Variants in TTC21B observed in about 807,000 individuals in gnomAD.
TTC21B encodes tetratricopeptide repeat protein 21B.
In TTC21B, 127 loss-of-function variants were observed where a neutral mutation model predicts 175.1. That is an observed-to-expected ratio of 0.73 (90% CI 0.63 to 0.84). The LOEUF (loss-of-function observed/expected upper bound fraction) is 0.84. Ranked by LOEUF, TTC21B falls within the 40% of genes least tolerant of loss-of-function variation. The pLI is 0.00. For missense variants in TTC21B, 1,561 were observed against 1,558.3 expected (o/e 1.00, Z -0.03); for synonymous variants, 524 against 524.5 (o/e 1.00, Z 0.01).
At chr2:165,946,458 C>T (rs917562985) in intron 3 of TTC21B, among the ~76,000 whole-genome samples, 4 of 152,040 alleles carry the variant, frequency 2.6e-5, no homozygotes, top group Admixed American at 1.3e-4. Context: ...TTTCTAATAA[C>T]TGAATCAAGT....
chr2:165,876,224 G>A lies in TTC21B; in HGVS notation c.3814C>T (p.Leu1272=), dbSNP rs772434710. ...NRTNPAVGYK[L]AFNYLKAKRY... The stretch of plus-strand genomic sequence containing the variant: ...TTTGCTTTTAAGTAATTAAATGCCA[G>A]TTTGTATCCTGTTAAGACAAAAACC... Residue 1272 remains leucine, a synonymous_variant, in exon 28 of 29, where the codon CTG becomes TTG. Transcript: ENST00000243344. 4 of 1,590,412 alleles carry A rather than the reference G, an allele frequency of 2.5e-6. No homozygotes were observed. Among genetic ancestry groups the A allele is most frequent in the Non-Finnish European group, 3.4e-6 (4 of 1,159,502 alleles).
At chr2:165,929,045 T>C in intron 11 of TTC21B, 90 bp downstream of exon 11, 3 of 1,133,016 alleles carry the variant, frequency 2.6e-6, no homozygotes, top group Non-Finnish European at 4.0e-6. Context: ...AAGATGCCGA[T>C]ATAGTCTAAT....
chr2:165,878,433 G>A lies in TTC21B; in HGVS notation c.3806-2201C>T, dbSNP rs566557196. On this transcript the variant is annotated intron_variant, in intron 27 of 28. Coordinates refer to ENST00000243344, the MANE Select transcript of TTC21B (RefSeq NM_024753.5). Reference sequence around the variant, plus strand: ...AATAGGTATGAAGGGTGAAACATGAGTAGTTTCTTCTCTCATTGGATCTCA... The same window carrying A: ...AATAGGTATGAAGGGTGAAACATGAATAGTTTCTTCTCTCATTGGATCTCA... Among the ~76,000 whole-genome samples the A allele has an allele frequency of 3.3e-5, 5 of 152,126 alleles. No homozygotes were observed. In the South Asian group the frequency reaches 1.0e-3, roughly 32 times the overall value.
At chr2:165,896,892 T>A (rs1685385409) in intron 22 of TTC21B, among the ~76,000 whole-genome samples, 2 of 152,172 alleles carry the variant, frequency 1.3e-5, no homozygotes, top group Admixed American at 6.5e-5. Context: ...TTTTTGTTTG[T>A]TTGTTTGTTT....
chr2:165,935,369 G>A (rs749210256), intron 6 of TTC21B, among the ~76,000 whole-genome samples: 6 of 152,026 alleles, frequency 3.9e-5, no homozygotes, highest in Non-Finnish European at 7.3e-5. Flanking sequence ...AGGTATGTGT[G>A]TATGCATGTG....
chr2:165,952,047 T>C (rs141157434), intron 1 of TTC21B, among the ~76,000 whole-genome samples: 453 of 152,114 alleles, frequency 3.0e-3, no homozygotes, highest in Non-Finnish European at 4.8e-3. Flanking sequence ...GTACAGGAGT[T>C]AGGAAGAGGA....
intron 6 of TTC21B, chr2:165,934,191 A>G (rs895608260): frequency 1.3e-5 from 2 of 152,174 alleles, no homozygotes; most frequent in Non-Finnish European, 2.9e-5. Context: ...TTTTTTCCCC[A>G]CATATGACTA....
chr2:165,945,925 T>C (rs147713389), intron 3 of TTC21B, among the ~76,000 whole-genome samples: 1 of 152,346 alleles, frequency 6.6e-6, no homozygotes, highest in Non-Finnish European at 1.5e-5. Context: ...ATCTAAGATA[T>C]AATTTCAATG....
At chr2:165,908,550 A>ACACGCCATGC (rs1685822239) in intron 18 of TTC21B, among the ~76,000 whole-genome samples, 1 of 152,202 alleles carries the variant, frequency 6.6e-6, no homozygotes, top group African/African-American at 2.4e-5. Flanking sequence ...ACAGTTCATG[A>ACACGCCATGC]CACGCCATGC....
intron 11 of TTC21B, among the ~76,000 whole-genome samples, chr2:165,927,590 C>T (rs1686726576): frequency 1.3e-5 from 2 of 150,838 alleles, no homozygotes; most frequent in South Asian, 4.2e-4. Context: ...ATGGGTATTT[C>T]CCCAGCTCTA....
chr2:165,949,569 G>A, intron 2 of TTC21B, 26 bp downstream of exon 2: 1 of 1,613,688 alleles, frequency 6.2e-7, no homozygotes, highest in Non-Finnish European at 8.5e-7. Flanking sequence ...AAAACTGATG[G>A]AACATGTTTA....
At chr2:165,944,073 C>A (rs1478919509) in intron 4 of TTC21B, among the ~76,000 whole-genome samples, 1 of 151,936 alleles carries the variant, frequency 6.6e-6, no homozygotes, top group Non-Finnish European at 1.5e-5. Context: ...TGTATTTCAC[C>A]CGAAAATACA....
In TTC21B at chr2:165,924,954, AT is replaced by A. The variant is rs57171027; in HGVS notation, c.1387-277del. ...TAAATGGATAACATATCAAGTGGGT[AT>A]TATCTATTCAAAAGTTTTATCAGAG... On this transcript the variant is annotated intron_variant, in intron 11 of 28. Coordinates refer to ENST00000243344, the MANE Select transcript of TTC21B (RefSeq NM_024753.5). Among the ~76,000 whole-genome samples the A allele has an allele frequency of 0.29, 44,655 of 152,010 alleles. 7,473 individuals are homozygous for A. The highest frequency in any genetic ancestry group is 0.39 in the Non-Finnish European group (26,307 of 67,928).
intron 10 of TTC21B, 26 bp from the exon 11 acceptor site, chr2:165,929,361 T>C (rs1686799620): frequency 2.6e-6 from 4 of 1,551,118 alleles, no homozygotes; most frequent in East Asian, 2.3e-5. Context: ...TTTTCATAAA[T>C]TATTCCATTT....
intron 22 of TTC21B, among the ~76,000 whole-genome samples, chr2:165,896,245 T>G (rs1429902235): frequency 6.6e-6 from 1 of 152,162 alleles, no homozygotes; most frequent in Non-Finnish European, 1.5e-5. Flanking sequence ...GGTAGTAACA[T>G]ACAGTCATGT....
At chr2:165,911,534 A>G (rs1685934137) in intron 17 of TTC21B, 69 bp from the exon 18 acceptor site, 2 of 1,568,396 alleles carry the variant, frequency 1.3e-6, no homozygotes, top group Non-Finnish European at 1.8e-6. Context: ...GCTATTTAAT[A>G]CATTACAGAC....
Position 165,922,566 on chromosome 2 carries a change from C to CAAAAAAAAAAAAAAAAAAAAAAAA in TTC21B, c.1516+1982_1516+1983insTTTTTTTTTTTTTTTTTTTTTTTT, listed in dbSNP as rs71031215. Among the ~76,000 whole-genome samples, 5 of 97,426 alleles carry CAAAAAAAAAAAAAAAAAAAAAAAA rather than the reference C, an allele frequency of 5.1e-5. 1 individual carries two copies. Among genetic ancestry groups the CAAAAAAAAAAAAAAAAAAAAAAAA allele is most frequent in the Non-Finnish European group, 1.0e-4 (5 of 49,140 alleles). The allele number at this position is 97,426 out of a possible 152,430, so 63.9% of individuals were successfully genotyped here. A position where few individuals can be genotyped will look rare whatever the true frequency, so the allele number is the denominator to read the frequency against. On this transcript the variant is annotated intron_variant, in intron 12 of 28. Coordinates refer to ENST00000243344, the MANE Select transcript of TTC21B (RefSeq NM_024753.5). Reference sequence around the variant, plus strand: ...GCCGGAATAGCCACTATTAAAAAGTCAAAAAAAAAAAAAAAAAAAAGACGT... The same window carrying CAAAAAAAAAAAAAAAAAAAAAAAA: ...GCCGGAATAGCCACTATTAAAAAGTCAAAAAAAAAAAAAAAAAAAAAAAAAAAAAAAAAAAAAAAAAAAAGACGT...
At chr2:165,946,057 G>A (rs866796871) in intron 3 of TTC21B, among the ~76,000 whole-genome samples, 51 of 152,042 alleles carry the variant, frequency 3.4e-4, no homozygotes, top group African/African-American at 1.2e-3. Flanking sequence ...TGGGCGCAGT[G>A]GCTCACGCCT....
At chr2:165,876,699 A>G (rs1419060676) in intron 27 of TTC21B, among the ~76,000 whole-genome samples, 1 of 152,248 alleles carries the variant, frequency 6.6e-6, no homozygotes, top group Non-Finnish European at 1.5e-5. Context: ...GCATGAGTAA[A>G]TAATTTCAAA....
Sources: gnomAD v4.1 joint callset for allele counts (sites outside exome capture counted in the v4.1 genomes callset) on GRCh38, gnomAD v4.1.1 for gene constraint, MANE v1.5 for transcripts, NCBI Gene and HGNC (gene_info 2026-07-23, HGNC 2026-07-21) for gene names.